KHDRBS2: variants seen among roughly 807,000 people sequenced by gnomAD.
KHDRBS2 encodes the protein KH RNA binding domain containing, signal transduction associated 2.
KHDRBS2 carries 26 observed loss-of-function variants against 44.3 expected under a neutral mutation model. The ratio of observed to expected loss-of-function variants is 0.59; its 90% CI spans 0.43 to 0.81. KHDRBS2 has a LOEUF of 0.81. Among genes scored for constraint, KHDRBS2 ranks in the 40% least tolerant of loss-of-function variants. The probability of loss-of-function intolerance (pLI) is 0.00; values close to 1 mark genes in which losing one functional copy is unlikely to be tolerated. For synonymous variants in KHDRBS2, 194 were observed against 151.1 expected, an observed-to-expected ratio of 1.28 and a Z score of -2.08; for missense variants, 476 against 433.1, an observed-to-expected ratio of 1.10 and a Z score of -0.88.
the KHDRBS2 span, chr6:61,574,197 CA>C: frequency 7.5e-6 from 5 of 668,386 alleles, no homozygotes; most frequent in Non-Finnish European, 5.2e-6. Context: ...GCCTGTTTAC[CA>C]AAAACATCAC....
chr6:62,112,994 A>T (rs1805373659), intron 2 of KHDRBS2, among the ~76,000 whole-genome samples: 1 of 152,066 alleles, frequency 6.6e-6, no homozygotes. Context: ...GCTACCTATC[A>T]TTTTTTTTAA....
the KHDRBS2 span, among the ~76,000 whole-genome samples, chr6:61,562,425 T>A: frequency 3.9e-5 from 6 of 152,188 alleles, no homozygotes; most frequent in Non-Finnish European, 7.3e-5. Flanking sequence ...GTATAAAGAC[T>A]AATACATATT....
chr6:61,604,296 C>T, the KHDRBS2 span, among the ~76,000 whole-genome samples: 1 of 49,820 alleles, frequency 2.0e-5, no homozygotes, highest in African/African-American at 5.2e-5. Context: ...CAAAAGGCAT[C>T]AGATCCATTG....
Position 62,177,316 on chromosome 6 carries a change from G to A in KHDRBS2, c.92-4C>T. 6.3e-7 allele frequency: 1 copy of A among 1,581,496 alleles called. No individual in the cohort carries two copies. The highest frequency in any genetic ancestry group is 1.4e-5 in the African/African-American group (1 of 73,914). ...GAACCTTGAAACTTTTCAATTTCTG[G>A]AAGAAAATCACAAGAAGAAAACAAG... is the stretch of plus-strand genomic sequence containing the variant. On this transcript the variant is annotated splice_region_variant and splice_polypyrimidine_tract_variant and intron_variant, in intron 1 of 8. Coordinates refer to ENST00000281156, the MANE Select transcript of KHDRBS2 (RefSeq NM_152688.4).
intron 3 of KHDRBS2, among the ~76,000 whole-genome samples, chr6:62,022,237 G>GAAGTAAAAATGTTAA (rs1782487845): frequency 6.6e-6 from 1 of 151,538 alleles, no homozygotes; most frequent in African/African-American, 2.4e-5. Flanking sequence ...TTTAAATAAA[G>GAAGTAAAAATGTTAA]AAGTAAAAAT....
intron 6 of KHDRBS2, among the ~76,000 whole-genome samples, chr6:61,863,984 T>C (rs1028426241): frequency 2.6e-5 from 4 of 152,200 alleles, no homozygotes; most frequent in African/African-American, 7.2e-5. Context: ...GGTGAGTGCA[T>C]ATATATTTAA....
chr6:61,637,159 A>G, the KHDRBS2 span, among the ~76,000 whole-genome samples: 1 of 151,964 alleles, frequency 6.6e-6, no homozygotes, highest in Non-Finnish European at 1.5e-5. Flanking sequence ...CATTAAGTAT[A>G]TCTCCCAATG....
intron 1 of KHDRBS2, among the ~76,000 whole-genome samples, chr6:62,190,117 T>G (rs1824289630): frequency 1.3e-5 from 2 of 151,902 alleles, no homozygotes; most frequent in Admixed American, 1.3e-4. Flanking sequence ...GAAGGGGCAA[T>G]GAATGCAAGA....
the KHDRBS2 span, among the ~76,000 whole-genome samples, chr6:61,557,313 C>T: frequency 6.6e-6 from 1 of 152,080 alleles, no homozygotes; most frequent in African/African-American, 2.4e-5. Flanking sequence ...AAGTTCCCAT[C>T]CAATTTTTCT....
At chr6:62,104,474 T>C (rs1013602549) in intron 2 of KHDRBS2, among the ~76,000 whole-genome samples, 11 of 152,252 alleles carry the variant, frequency 7.2e-5, no homozygotes, top group African/African-American at 2.4e-4. Flanking sequence ...TGGAATAAAA[T>C]TGGGTATCAG....
chr6:61,545,694 C>T, the KHDRBS2 span, among the ~76,000 whole-genome samples: 2 of 151,996 alleles, frequency 1.3e-5, no homozygotes, highest in Admixed American at 6.6e-5. Flanking sequence ...CTGTGTCTCC[C>T]CCACCCCAAA....
intron 6 of KHDRBS2, among the ~76,000 whole-genome samples, chr6:61,768,119 G>A (rs12661396): frequency 1.3e-5 from 2 of 151,988 alleles, no homozygotes; most frequent in Non-Finnish European, 2.9e-5. Flanking sequence ...TCCTATTCTA[G>A]GATAAAAGTA....
At chr6:61,726,194 C>T (rs1247969078) in intron 7 of KHDRBS2, among the ~76,000 whole-genome samples, 3 of 150,620 alleles carry the variant, frequency 2.0e-5, no homozygotes, top group Non-Finnish European at 4.5e-5. Context: ...CTAATAGATG[C>T]AGAAAAGGCC....
chr6:61,765,445 G>C (rs189204652), intron 6 of KHDRBS2, among the ~76,000 whole-genome samples: 40 of 151,176 alleles, frequency 2.6e-4, no homozygotes, highest in African/African-American at 9.0e-4. Context: ...AGCAAGACCT[G>C]GTAAAAAATA....
intron 3 of KHDRBS2, among the ~76,000 whole-genome samples, chr6:61,988,243 A>T (rs1775442062): frequency 1.3e-5 from 2 of 152,126 alleles, no homozygotes; most frequent in South Asian, 4.1e-4. Context: ...GCAGCTGTTT[A>T]ATCAAGGAAA....
rs886968850 is a variant in KHDRBS2, at chr6:61,903,813, T to C, written c.484-2442A>G. On this transcript the variant is annotated intron_variant, in intron 4 of 8. Transcript: ENST00000281156. ...AAGGCTAGGCTAGCTTTCTGAAGGA[T>C]GAGAGGTAACGTGAAGAAAGGCTCC... Among the ~76,000 whole-genome samples, 9 of 152,172 alleles carry C rather than the reference T, an allele frequency of 5.9e-5. No individual in the cohort carries two copies. In the South Asian group the frequency reaches 1.2e-3, roughly 21 times the overall value.
intron 2 of KHDRBS2, among the ~76,000 whole-genome samples, chr6:62,106,181 G>A (rs901686115): frequency 6.6e-6 from 1 of 152,106 alleles, no homozygotes; most frequent in African/African-American, 2.4e-5. Flanking sequence ...ATTTGCTGAG[G>A]AGAGCTTTAC....
chr6:61,838,796 C>A (rs943727002), intron 6 of KHDRBS2, among the ~76,000 whole-genome samples: 2 of 151,998 alleles, frequency 1.3e-5, no homozygotes, highest in African/African-American at 2.4e-5. Context: ...TACTTGCTTA[C>A]CTTCAATTCA....
chr6:62,053,965 T>TA (rs1331445954), intron 2 of KHDRBS2, among the ~76,000 whole-genome samples: 2 of 152,146 alleles, frequency 1.3e-5, no homozygotes, highest in Non-Finnish European at 2.9e-5. Flanking sequence ...ATAGGAATTT[T>TA]AAAAACTAGA....
Sources: gnomAD v4.1 joint callset for allele counts (sites outside exome capture counted in the v4.1 genomes callset) on GRCh38, gnomAD v4.1.1 for gene constraint, MANE v1.5 for transcripts, NCBI Gene and HGNC (gene_info 2026-07-23, HGNC 2026-07-21) for gene names.